Variants in IBSP observed in about 807,000 individuals in gnomAD.
IBSP encodes the protein integrin binding sialoprotein, also known as integrin-binding sialoprotein.
IBSP carries 19 observed loss-of-function variants against 25.5 expected under a neutral mutation model. That is an observed-to-expected ratio of 0.74 (90% CI 0.52 to 1.09). IBSP has a LOEUF of 1.09. Among genes scored for constraint, IBSP ranks in the 50% least tolerant of loss-of-function variants. IBSP has a pLI of 0.00. For missense variants in IBSP, 360 were observed against 382.3 expected, an observed-to-expected ratio of 0.94 and a Z score of 0.49; for synonymous variants, 144 against 137.6, an observed-to-expected ratio of 1.05 and a Z score of -0.33.
intron 6 of IBSP, 78 bp from the exon 7 acceptor site, chr4:87,811,284 T>C: frequency 1.4e-6 from 2 of 1,469,104 alleles, no homozygotes; most frequent in Non-Finnish European, 1.8e-6. Context: ...CTGTCAGTAT[T>C]GTGTTGCATG....
intron 4 of IBSP, among the ~76,000 whole-genome samples, chr4:87,804,119 T>C (rs892945582): frequency 2.6e-5 from 4 of 152,192 alleles, no homozygotes; most frequent in African/African-American, 7.2e-5. Context: ...TAGGCCCATC[T>C]CAACTAATGT....
chr4:87,802,503 A>G lies in IBSP; in HGVS notation c.55-5A>G. 6.2e-7 allele frequency: 1 copy of G among 1,600,868 alleles called. No homozygotes were observed. Among genetic ancestry groups the G allele is most frequent in the African/African-American group, 1.3e-5 (1 of 74,296 alleles). On this transcript the variant is annotated splice_polypyrimidine_tract_variant and splice_region_variant and intron_variant, in intron 2 of 6. Coordinates refer to ENST00000226284, the MANE Select transcript of IBSP (RefSeq NM_004967.4). ...TATGCAATAATTAAATGTTCTTTAA[A>G]ACAGATGAAAAATTTGCATCGAAGA...
At chr4:87,810,857 A>T (rs1722160994) in intron 6 of IBSP, 93 bp downstream of exon 6, 6 of 1,086,500 alleles carry the variant, frequency 5.5e-6, no homozygotes, top group Non-Finnish European at 6.7e-6. Context: ...CTGGAGTCTA[A>T]GGGTATCCTA....
intron 1 of IBSP, 129 bp downstream of exon 1, chr4:87,799,762 C>T (rs1272551639): frequency 6.6e-6 from 1 of 152,144 alleles, no homozygotes; most frequent in African/African-American, 2.4e-5. Context: ...AATTATTTAT[C>T]ATTAAACTGG....
At chr4:87,800,406 T>C (rs1409996438) in intron 1 of IBSP, among the ~76,000 whole-genome samples, 1 of 152,230 alleles carries the variant, frequency 6.6e-6, no homozygotes, top group Non-Finnish European at 1.5e-5. Context: ...AAACTATTTC[T>C]ATAATTCTAT....
intron 5 of IBSP, among the ~76,000 whole-genome samples, chr4:87,807,484 A>T (rs1722104424): frequency 6.6e-6 from 1 of 152,140 alleles, no homozygotes; most frequent in South Asian, 2.1e-4. Flanking sequence ...GAAAAATGCC[A>T]CCCACTAAAT....
At chr4:87,801,633 T>C (rs1722018789) in intron 1 of IBSP, among the ~76,000 whole-genome samples, 1 of 152,064 alleles carries the variant, frequency 6.6e-6, no homozygotes, top group Non-Finnish European at 1.5e-5. Context: ...GGAAACCGCC[T>C]ATAGGGTATC....
chr4:87,807,083 C>T (rs546307195), intron 5 of IBSP, among the ~76,000 whole-genome samples: 28 of 151,968 alleles, frequency 1.8e-4, no homozygotes, highest in Admixed American at 5.2e-4. Context: ...ATATAAATAT[C>T]TTCCCATATA....
At chr4:87,799,818 T>G (rs761489160) in intron 1 of IBSP, among the ~76,000 whole-genome samples, 185 bp downstream of exon 1, 4 of 152,224 alleles carry the variant, frequency 2.6e-5, no homozygotes, top group African/African-American at 9.6e-5. Flanking sequence ...CTTATTAACC[T>G]AAGCATGTAA....
In IBSP at chr4:87,811,831, C is replaced by T. The variant is rs150727281; in HGVS notation, c.875C>T (p.Ala292Val). The T allele has an allele frequency of 3.1e-6, 5 of 1,606,244 alleles. No individual in the cohort carries two copies. In the African/African-American group the frequency reaches 5.3e-5, roughly 17 times the overall value. ...NGEPRGDNYR[A>V]YEDEYSYFKG... The stretch of plus-strand genomic sequence containing the variant: ...GAACCTCGTGGGGACAATTACCGAG[C>T]CTATGAAGATGAGTACAGCTACTTT... Residue 292 changes from alanine to valine, a missense_variant, in exon 7 of 7, where the codon GCC (alanine) becomes GTC (valine). Coordinates refer to ENST00000226284, the MANE Select transcript of IBSP (RefSeq NM_004967.4).
chr4:87,808,418 T>C (rs933046308), intron 5 of IBSP, among the ~76,000 whole-genome samples: 1 of 152,128 alleles, frequency 6.6e-6, no homozygotes, highest in Non-Finnish European at 1.5e-5. Flanking sequence ...CCTGACCTCG[T>C]GATCCGCCCG....
chr4:87,803,036 T>C (rs945496237), intron 4 of IBSP, among the ~76,000 whole-genome samples: 6 of 152,188 alleles, frequency 3.9e-5, no homozygotes, highest in Non-Finnish European at 7.3e-5. Flanking sequence ...AGTGGACAGT[T>C]TTATCAGTTG....
Position 87,802,489 on chromosome 4 carries a change from T to G in IBSP, c.55-19T>G. ...TGTAAAAGAAAAATTATGCAATAAT[T>G]AAATGTTCTTTAAAACAGATGAAAA... On this transcript the variant is annotated intron_variant, in intron 2 of 6. Transcript: ENST00000226284. 1 of 1,596,434 alleles carries G rather than the reference T, an allele frequency of 6.3e-7. No homozygotes were observed. Among genetic ancestry groups the G allele is most frequent in the Non-Finnish European group, 8.5e-7 (1 of 1,171,874 alleles).
chr4:87,800,788 A>G (rs1722003097), intron 1 of IBSP, among the ~76,000 whole-genome samples: 1 of 152,182 alleles, frequency 6.6e-6, no homozygotes, highest in Admixed American at 6.5e-5. Flanking sequence ...GCTGATGATG[A>G]CACAATACAC....
Position 87,810,674 on chromosome 4 carries a change from C to T in IBSP, c.315C>T (p.Thr105=), listed in dbSNP as rs1182156388. 2.5e-6 allele frequency: 4 copies of T among 1,613,416 alleles called. No homozygotes were observed. In the East Asian group the frequency reaches 8.9e-5, roughly 36 times the overall value. ...NEDEDSEAEN[T]TLSATTLGYG... ...ATGAAGACTCTGAGGCTGAGAATACCACACTTTCTGCTACAACACTGGGCT... is the reference window on the plus strand; with the variant it reads ...ATGAAGACTCTGAGGCTGAGAATACTACACTTTCTGCTACAACACTGGGCT... Residue 105 remains threonine (T), a synonymous_variant, in exon 6 of 7, where the codon ACC becomes ACT. Transcript: ENST00000226284.
intron 5 of IBSP, among the ~76,000 whole-genome samples, chr4:87,807,722 T>G (rs562038313): frequency 6.6e-6 from 1 of 152,198 alleles, no homozygotes; most frequent in Non-Finnish European, 1.5e-5. Flanking sequence ...TGAAATCAAG[T>G]ACACACAAAA....
At chr4:87,806,208 G>A (rs202026150) in intron 5 of IBSP, 24 bp downstream of exon 5, 74 of 1,585,420 alleles carry the variant, frequency 4.7e-5, no homozygotes, top group East Asian at 9.0e-5. Context: ...CAATCTTTTC[G>A]TAATAAAGCA....
chr4:87,807,929 G>A (rs1387467970), intron 5 of IBSP, among the ~76,000 whole-genome samples: 2 of 152,140 alleles, frequency 1.3e-5, no homozygotes, highest in African/African-American at 4.8e-5. Context: ...AAACTTCAGA[G>A]GAATAAATGC....
At chr4:87,805,209 TA>T (rs1195345876) in intron 4 of IBSP, among the ~76,000 whole-genome samples, 1 of 152,200 alleles carries the variant, frequency 6.6e-6, no homozygotes, top group African/African-American at 2.4e-5. Flanking sequence ...CTATATTTTC[TA>T]AATGCAAGAC....
Sources: allele counts gnomAD v4.1 joint callset (sites outside exome capture counted in the v4.1 genomes callset), GRCh38; gene constraint gnomAD v4.1.1; transcripts MANE v1.5; gene names NCBI Gene and HGNC (gene_info 2026-07-23, HGNC 2026-07-21).